KIAA0586: variants seen among roughly 807,000 people sequenced by gnomAD.
The protein encoded by KIAA0586 is protein TALPID3.
KIAA0586 carries 144 observed loss-of-function variants against 169.8 expected under a neutral mutation model. The ratio of observed to expected loss-of-function variants is 0.85; its 90% CI spans 0.74 to 0.97. The LOEUF (loss-of-function observed/expected upper bound fraction) is 0.97, where lower values mean the gene tolerates loss of function less well. KIAA0586 is among the 50% of genes least tolerant of loss of function. The pLI is 0.00. For synonymous variants in KIAA0586, 625 were observed against 612.4 expected, an observed-to-expected ratio of 1.02 and a Z score of -0.30; for missense variants, 1,854 against 1,823.0, an observed-to-expected ratio of 1.02 and a Z score of -0.31.
intron 29 of KIAA0586, among the ~76,000 whole-genome samples, chr14:58,518,667 C>T (rs1434749354): frequency 3.9e-5 from 6 of 152,220 alleles, no homozygotes; most frequent in Non-Finnish European, 8.8e-5. Flanking sequence ...CTTCTTTCCA[C>T]CCAGAGTTAC....
chr14:58,457,351 C>T (rs987986657), intron 10 of KIAA0586, among the ~76,000 whole-genome samples: 36 of 152,134 alleles, frequency 2.4e-4, no homozygotes, highest in Admixed American at 2.1e-3. Context: ...TTACTGCAAC[C>T]TCCACCTCCC....
At chr14:58,555,891 C>T (rs1016007481), downstream of KIAA0586, among the ~76,000 whole-genome samples, 2 of 152,154 alleles carry the variant, frequency 1.3e-5, no homozygotes, top group Admixed American at 1.3e-4. Flanking sequence ...TGATGGAACT[C>T]TTTGTAGTTG....
chr14:58,537,459 C>T lies in KIAA0586; in HGVS notation c.4430-2612C>T, dbSNP rs1196629627. Among the ~76,000 whole-genome samples the T allele has an allele frequency of 2.8e-4, 43 of 152,108 alleles. 1 individual carries two copies. Among genetic ancestry groups the T allele is most frequent in the Admixed American group, 2.8e-3 (43 of 15,274 alleles). The stretch of plus-strand genomic sequence containing the variant: ...CAAGTGGTTCTTCAATGGAAGGGAT[C>T]TCTGAGGTGGTATTGATACCTTTGT... On this transcript the variant is annotated intron_variant, in intron 29 of 30. Transcript: ENST00000652326.
Position 58,490,230 on chromosome 14 carries a change from C to A in KIAA0586, c.3848C>A (p.Ala1283Asp). ...NDSLSSTLHDAVEMEDDPPSE... is the reference protein window; with the variant it reads ...NDSLSSTLHDDVEMEDDPPSE... ...AGCTTATCCAGCACTCTGCATGATG[C>A]CGTTGAAATGGTAAGTAACGATTGA... The change falls in exon 25 of 31, where the codon GCC becomes GAC. Residue 1283 changes from alanine (A) to aspartate (D), a missense_variant. Physicochemically the swap from Ala to Asp is moderately radical, Grantham distance 126. Transcript: ENST00000652326. The A allele has an allele frequency of 6.6e-7, 1 of 1,526,626 alleles. No individual in the cohort carries two copies. The highest frequency in any genetic ancestry group is 8.9e-7 in the Non-Finnish European group (1 of 1,126,802). 94.6% of individuals were successfully genotyped at this position (1,526,626 alleles called of 1,614,324 possible).
At chr14:58,431,081 G>C (rs1002526829) in intron 3 of KIAA0586, among the ~76,000 whole-genome samples, 3 of 151,926 alleles carry the variant, frequency 2.0e-5, no homozygotes, top group Non-Finnish European at 4.4e-5. Context: ...TCTTCTTAAG[G>C]GTAGAATTTA....
Position 58,472,666 on chromosome 14 carries a change from A to G in KIAA0586, c.2634+387A>G, listed in dbSNP as rs143991126. Among the ~76,000 whole-genome samples the G allele has an allele frequency of 7.1e-3, 1,076 of 152,054 alleles. 5 individuals are homozygous for G. Among genetic ancestry groups the G allele is most frequent in the Non-Finnish European group, 0.01 (699 of 67,962 alleles). ...TTGAGAAAAAAGTTGTGAGAAATCT[A>G]TAATCCAAAGGAATATCCCATATGG... On this transcript the variant is annotated intron_variant, in intron 18 of 30. Transcript: ENST00000652326.
the KIAA0586 span, among the ~76,000 whole-genome samples, chr14:58,557,928 T>TTTTTTTTTGGG: frequency 7.9e-6 from 1 of 127,308 alleles, no homozygotes; most frequent in Non-Finnish European, 1.6e-5. Flanking sequence ...TTTTTTTTTT[T>TTTTTTTTTGGG]GAGACAGGGT....
At chr14:58,484,678 G>C (rs551513682) in intron 21 of KIAA0586, among the ~76,000 whole-genome samples, 270 of 149,162 alleles carry the variant, frequency 1.8e-3, no homozygotes, top group Non-Finnish European at 2.7e-3. Flanking sequence ...ATGCAGTCAA[G>C]AAGAAAAAAA....
At position 58,504,380 on chromosome 14, in the gene KIAA0586, C is replaced by T. The variant is rs1027339882; in HGVS notation, c.4169-4175C>T. On this transcript the variant is annotated intron_variant, in intron 27 of 30. Transcript: ENST00000652326. ...CTAGAATTATTGGATAGATGGTCAT[C>T]TCAGTCACTGAGAGAGAGCGAATAT... Among the ~76,000 whole-genome samples the T allele has an allele frequency of 2.6e-5, 4 of 152,228 alleles. No individual in the cohort carries two copies. The East Asian group carries it at 7.7e-4, about 29-fold the overall frequency.
At chr14:58,561,592 G>C in the KIAA0586 span, among the ~76,000 whole-genome samples, 1 of 151,994 alleles carries the variant, frequency 6.6e-6, no homozygotes, top group Non-Finnish European at 1.5e-5. Flanking sequence ...AGCTTTTGCC[G>C]AGTATTATTA....
chr14:58,509,487 T>G (rs2044232566), intron 28 of KIAA0586, among the ~76,000 whole-genome samples: 1 of 152,186 alleles, frequency 6.6e-6, no homozygotes, highest in Non-Finnish European at 1.5e-5. Context: ...GATGTTAATC[T>G]AAAAAAGTTC....
rs145568203 is a variant in KIAA0586 at position 58,493,693 on chromosome 14, G to A, written c.3990+1418G>A. On this transcript the variant is annotated intron_variant, in intron 26 of 30. Transcript: ENST00000652326. ...TGAATTTAAAATAATTAAATTTTCT[G>A]CAACTTTAGTTAGCAATAGATCATT... Among the ~76,000 whole-genome samples, 94 of 152,310 alleles carry A rather than the reference G, an allele frequency of 6.2e-4. 1 individual carries two copies. Among genetic ancestry groups the A allele is most frequent in the African/African-American group, 2.2e-3 (90 of 41,574 alleles).
At chr14:58,499,047 C>A in intron 27 of KIAA0586, 87 bp downstream of exon 27, 1 of 1,197,040 alleles carries the variant, frequency 8.4e-7, no homozygotes, top group Non-Finnish European at 1.1e-6. Flanking sequence ...CAGATAGGGG[C>A]TTGCAAAATT....
the KIAA0586 span, among the ~76,000 whole-genome samples, chr14:58,557,027 A>G: frequency 1.8e-3 from 269 of 152,258 alleles, 3 homozygotes; most frequent in Middle Eastern, 6.8e-3. Flanking sequence ...TTACAGGCAT[A>G]AGCCACCACA....
At position 58,429,437 on chromosome 14, in the gene KIAA0586, A is replaced by T. The variant is rs768886373; in HGVS notation, c.270+4A>T. The T allele has an allele frequency of 3.3e-6, 5 of 1,531,986 alleles. No homozygotes were observed. In the South Asian group the frequency reaches 5.6e-5, roughly 17 times the overall value. 94.9% of individuals were successfully genotyped at this position (1,531,986 alleles called of 1,614,324 possible). A position where few individuals can be genotyped will look rare whatever the true frequency, so the allele number is the denominator to read the frequency against. On this transcript the variant is annotated splice_donor_region_variant and intron_variant, in intron 2 of 30. Coordinates refer to ENST00000652326, the MANE Select transcript of KIAA0586 (RefSeq NM_001329943.3). ...AAATCCCATGGTGTCAGAAAGTGTA[A>T]GCAAAAGGATTCTTAATTATGCTCA...
At chr14:58,449,869 A>G (rs746382172) in intron 7 of KIAA0586, among the ~76,000 whole-genome samples, 3 of 152,224 alleles carry the variant, frequency 2.0e-5, no homozygotes, top group Non-Finnish European at 4.4e-5. Flanking sequence ...AATTACAGTA[A>G]CAAATAAAAG....
intron 7 of KIAA0586, 111 bp from the exon 8 acceptor site, chr14:58,450,468 T>C (rs1459500448): frequency 1.4e-5 from 9 of 646,808 alleles, no homozygotes; most frequent in Middle Eastern, 3.9e-4. Flanking sequence ...AATAATTTGT[T>C]CATCATTTAT....
chr14:58,442,662 A>G, intron 4 of KIAA0586, 44 bp from the exon 5 acceptor site: 3 of 1,331,862 alleles, frequency 2.3e-6, no homozygotes, highest in Non-Finnish European at 3.1e-6. Flanking sequence ...GAAATGTTTC[A>G]ATGTAGTTTA....
intron 27 of KIAA0586, among the ~76,000 whole-genome samples, chr14:58,501,192 T>C (rs1276687321): frequency 2.0e-5 from 3 of 152,238 alleles, no homozygotes; most frequent in Admixed American, 6.5e-5. Context: ...TAGTTTCATA[T>C]TGAGTGAACA....
Sources: allele counts gnomAD v4.1 joint callset (sites outside exome capture counted in the v4.1 genomes callset), GRCh38; gene constraint gnomAD v4.1.1; transcripts MANE v1.5; gene names NCBI Gene and HGNC (gene_info 2026-07-23, HGNC 2026-07-21).